The following CABP7 variants were observed in gnomAD, a reference collection of about 807,000 sequenced individuals.
CABP7 encodes the protein calcium binding protein 7.
A neutral mutation model predicts 23.1 loss-of-function variants in CABP7; 13 were observed. The ratio of observed to expected loss-of-function variants is 0.56; its 90% confidence interval spans 0.37 to 0.90. The LOEUF (loss-of-function observed/expected upper bound fraction) is 0.90, where lower values mean the gene tolerates loss of function less well. Ranked by LOEUF, CABP7 falls within the 40% of genes least tolerant of loss-of-function variation. CABP7 has a pLI of 0.01. For synonymous variants in CABP7, 123 were observed against 115.3 expected (o/e 1.07, Z -0.43); for missense variants, 248 against 295.6 (o/e 0.84, Z 1.18).
Position 29,731,107 on chromosome 22 carries a change from A to C in CABP7, c.*1538A>C. On this transcript the variant is annotated 3_prime_UTR_variant, in exon 5 of 5. Transcript: ENST00000216144. The stretch of plus-strand genomic sequence containing the variant: ...TTGGTGTGGCCGTGTCCTGAGCCTC[A>C]GTGAGGCTGGGCAGATGGTCTCGGA... 2 of 1,171,778 alleles carry C rather than the reference A, an allele frequency of 1.7e-6. No individual in the cohort carries two copies. The highest frequency in any genetic ancestry group is 2.3e-6 in the Non-Finnish European group (2 of 874,864). The allele number at this position is 1,171,778 out of a possible 1,614,324, so 72.6% of individuals were successfully genotyped here.
chr22:29,727,204 C>T lies in CABP7; in HGVS notation c.110-458C>T, dbSNP rs1051578277. On this transcript the variant is annotated intron_variant, in intron 1 of 4. Coordinates refer to ENST00000216144, the MANE Select transcript of CABP7 (RefSeq NM_182527.3). The surrounding 1 kb of genome is among the most constrained non-coding windows in gnomAD (Gnocchi z 4.2). The stretch of plus-strand genomic sequence containing the variant: ...GTGGCTGCCATTAGCAAGTGTTGGC[C>T]GGTGTTAAGGATCTAAGGATCCGAG... 2.7e-5 allele frequency among the ~76,000 whole-genome samples: 3 copies of T among 110,150 alleles called. No individual in the cohort carries two copies. The highest frequency in any genetic ancestry group is 3.7e-4 in the East Asian group (1 of 2,736). 72.3% of individuals were successfully genotyped at this position (110,150 alleles called of 152,430 possible).
rs935841306 is a variant in CABP7 at position 29,720,633 on chromosome 22, C to T, written c.109+100C>T. The T allele has an allele frequency of 4.7e-6, 3 of 643,606 alleles. No homozygotes were observed. The highest frequency in any genetic ancestry group is 5.0e-5 in the South Asian group (2 of 39,646). 39.9% of individuals were successfully genotyped at this position (643,606 alleles called of 1,614,324 possible). A position where few individuals can be genotyped will look rare whatever the true frequency, so the allele number is the denominator to read the frequency against. On this transcript the variant is annotated intron_variant, in intron 1 of 4. Coordinates refer to ENST00000216144, the MANE Select transcript of CABP7 (RefSeq NM_182527.3). This position sits in a 1 kb window ranked among gnomAD's most constrained non-coding sequence, Gnocchi z 5.2. ...CGGGGGCGGGGGGCGGGGGGCGGTC[C>T]GCAGGTGCCGGTTGCCAGGTGGGCG...
chr22:29,720,581 G>C lies in CABP7; in HGVS notation c.109+48G>C. ...GCCCCGGCGGCCCTCCTACCTGTGC[G>C]CCCAGGTGAAGCGCGGGCCAGGGGC... On this transcript the variant is annotated intron_variant, in intron 1 of 4. Coordinates refer to ENST00000216144, the MANE Select transcript of CABP7 (RefSeq NM_182527.3). The surrounding 1 kb of genome is among the most constrained non-coding windows in gnomAD (Gnocchi z 5.2). 7.6e-7 allele frequency: 1 copy of C among 1,323,926 alleles called. No homozygotes were observed. Among genetic ancestry groups the C allele is most frequent in the Non-Finnish European group, 1.0e-6 (1 of 979,598 alleles). The allele number at this position is 1,323,926 out of a possible 1,614,324, so 82.0% of individuals were successfully genotyped here. A position where few individuals can be genotyped will look rare whatever the true frequency, so the allele number is the denominator to read the frequency against.
rs778966806 is a variant in CABP7 at position 29,729,033 on chromosome 22, C to T, written c.367-22C>T. Reference sequence around the variant, plus strand: ...GGGGGCTGCGGTGGCTCTCAGAGCACCGTGTTGTCCCCCTCCGCAAGTGCG... The same window carrying T: ...GGGGGCTGCGGTGGCTCTCAGAGCATCGTGTTGTCCCCCTCCGCAAGTGCG... On this transcript the variant is annotated intron_variant, in intron 3 of 4. Coordinates refer to ENST00000216144, the MANE Select transcript of CABP7 (RefSeq NM_182527.3). 82 of 1,603,186 alleles carry T rather than the reference C, an allele frequency of 5.1e-5. 1 individual carries two copies. Among genetic ancestry groups the T allele is most frequent in the South Asian group, 2.1e-4 (19 of 90,880 alleles).
chr22:29,720,441 T>C lies in CABP7; in HGVS notation c.17T>C (p.Val6Ala). The stretch of plus-strand genomic sequence containing the variant: ...GCCTCCAAGATGCCGTTCCACCCGG[T>C]GACGGCGGCGTTGATGTACCGGGGC... MPFHP[V>A]TAALMYRGIY... Residue 6 changes from valine to alanine, a missense_variant, in exon 1 of 5, where the codon GTG becomes GCG. By Grantham distance (64) the Val-to-Ala change is moderately conservative (BLOSUM62 0). Transcript: ENST00000216144. The surrounding 1 kb of genome is among the most constrained non-coding windows in gnomAD (Gnocchi z 5.2). The C allele has an allele frequency of 6.5e-7, 1 of 1,542,624 alleles. No homozygotes were observed. The highest frequency in any genetic ancestry group is 1.9e-5 in the Admixed American group (1 of 53,488).
chr22:29,726,820 CAG>C (rs1376287079), intron 1 of CABP7, among the ~76,000 whole-genome samples: 2 of 152,184 alleles, frequency 1.3e-5, no homozygotes, highest in Admixed American at 1.3e-4. Context: ...CCCTTAAAAA[CAG>C]AGAAACAGAA....
At position 29,731,359 on chromosome 22, in the gene CABP7, A is replaced by AGAGAGAGAGAGAAG; in HGVS notation, c.*1791_*1804dup. 1 of 1,531,626 alleles carries AGAGAGAGAGAGAAG rather than the reference A, an allele frequency of 6.5e-7. No individual in the cohort carries two copies. Among genetic ancestry groups the AGAGAGAGAGAGAAG allele is most frequent in the Non-Finnish European group, 8.7e-7 (1 of 1,144,934 alleles). 94.9% of individuals were successfully genotyped at this position (1,531,626 alleles called of 1,614,324 possible). A position where few individuals can be genotyped will look rare whatever the true frequency, so the allele number is the denominator to read the frequency against. ...GTGGTTCTGATGGGTTCAGCCCTAG[A>AGAGAGAGAGAGAAG]GAGAGAGAGAGAAGCGGGGAGAATA... On this transcript the variant is annotated 3_prime_UTR_variant, in exon 5 of 5. Transcript: ENST00000216144.
chr22:29,727,562 A>G lies in CABP7; in HGVS notation c.110-100A>G. 6.7e-7 allele frequency: 1 copy of G among 1,486,840 alleles called. No homozygotes were observed. The highest frequency in any genetic ancestry group is 9.3e-7 in the Non-Finnish European group (1 of 1,076,616). The allele number at this position is 1,486,840 out of a possible 1,614,324, so 92.1% of individuals were successfully genotyped here. ...CTGCAGGCTCTGGGTTGGGCTCTCA[A>G]GGCCATGCTCAGGCTGCAGGGTCGG... On this transcript the variant is annotated intron_variant, in intron 1 of 4. Transcript: ENST00000216144. The surrounding 1 kb of genome is among the most constrained non-coding windows in gnomAD (Gnocchi z 4.2).
intron 3 of CABP7, 79 bp downstream of exon 3, chr22:29,728,821 C>A: frequency 8.6e-7 from 1 of 1,164,988 alleles, no homozygotes; most frequent in Non-Finnish European, 1.3e-6. Context: ...GCTGGGCCCA[C>A]ACTGTAAAGG....
Position 29,731,142 on chromosome 22 carries a change from G to C in CABP7, c.*1573G>C. ...GGCAGATGGTCTCGGAGCCTCCATG[G>C]GGCGTAGCAGGAACCGGGCTTGGCT... On this transcript the variant is annotated 3_prime_UTR_variant, in exon 5 of 5. Transcript: ENST00000216144. 1 of 1,386,600 alleles carries C rather than the reference G, an allele frequency of 7.2e-7. No homozygotes were observed. Among genetic ancestry groups the C allele is most frequent in the Non-Finnish European group, 9.5e-7 (1 of 1,058,142 alleles). 85.9% of individuals were successfully genotyped at this position (1,386,600 alleles called of 1,614,324 possible).
chr22:29,725,194 G>A (rs913102637), intron 1 of CABP7, among the ~76,000 whole-genome samples: 1 of 152,090 alleles, frequency 6.6e-6, no homozygotes, highest in Non-Finnish European at 1.5e-5. Context: ...TCCACGGGTG[G>A]CCCGCAGGCA....
intron 1 of CABP7, among the ~76,000 whole-genome samples, chr22:29,724,210 C>T (rs949939185): frequency 1.3e-5 from 2 of 152,212 alleles, no homozygotes; most frequent in Non-Finnish European, 2.9e-5. Flanking sequence ...GTGCCGGAGT[C>T]GCTCCCCATT....
chr22:29,728,989 T>C (rs1056229156), intron 3 of CABP7, 66 bp from the exon 4 acceptor site: 14 of 1,575,278 alleles, frequency 8.9e-6, no homozygotes, highest in Non-Finnish European at 1.1e-5. Flanking sequence ...CGGGTCTGTA[T>C]GGCCGTGGGG....
chr22:29,726,519 G>C lies in CABP7; in HGVS notation c.110-1143G>C, dbSNP rs139902943. 3.5e-3 allele frequency among the ~76,000 whole-genome samples: 539 copies of C among 152,350 alleles called. 3 individuals carry two copies. The highest frequency in any genetic ancestry group is 0.013 in the African/African-American group (524 of 41,580). ...CAGCTCTGAGCCCACGCTGACTCTG[G>C]GCCGGCCGCTGGGGCTCTCTCAGCC... On this transcript the variant is annotated intron_variant, in intron 1 of 4. Transcript: ENST00000216144.
In CABP7 at chr22:29,720,890, G is replaced by A. The variant is rs534243487; in HGVS notation, c.109+357G>A. Among the ~76,000 whole-genome samples, 3 of 151,794 alleles carry A rather than the reference G, an allele frequency of 2.0e-5. No homozygotes were observed. The South Asian group carries it at 6.2e-4, about 32-fold the overall frequency. On this transcript the variant is annotated intron_variant, in intron 1 of 4. Coordinates refer to ENST00000216144, the MANE Select transcript of CABP7 (RefSeq NM_182527.3). This position sits in a 1 kb window ranked among gnomAD's most constrained non-coding sequence, Gnocchi z 5.2. ...CTGAGCCCCCAGCGCCGGCCCGGCCGGAGCACCCGCATCCTGATCCCCTCC... is the reference window on the plus strand; with the variant it reads ...CTGAGCCCCCAGCGCCGGCCCGGCCAGAGCACCCGCATCCTGATCCCCTCC...
rs958489025 is a variant in CABP7 at position 29,731,130 on chromosome 22, G to A, written c.*1561G>A. 46 of 1,337,336 alleles carry A rather than the reference G, an allele frequency of 3.4e-5. 1 individual carries two copies. In the East Asian group the frequency reaches 9.5e-4, roughly 28 times the overall value. The allele number at this position is 1,337,336 out of a possible 1,614,324, so 82.8% of individuals were successfully genotyped here. On this transcript the variant is annotated 3_prime_UTR_variant, in exon 5 of 5. Coordinates refer to ENST00000216144, the MANE Select transcript of CABP7 (RefSeq NM_182527.3). ...TCAGTGAGGCTGGGCAGATGGTCTC[G>A]GAGCCTCCATGGGGCGTAGCAGGAA...
chr22:29,731,768 C>T lies in CABP7; in HGVS notation c.*2199C>T, dbSNP rs1365162577. ...ATAAAATAATGTATATAGCATGATA[C>T]TATTTTTGTTTAAAAATATATAAAA... On this transcript the variant is annotated 3_prime_UTR_variant, in exon 5 of 5. Transcript: ENST00000216144. 6.4e-6 allele frequency: 1 copy of T among 155,200 alleles called. No homozygotes were observed. Among genetic ancestry groups the T allele is most frequent in the Non-Finnish European group, 1.4e-5 (1 of 70,012 alleles). 9.6% of individuals were successfully genotyped at this position (155,200 alleles called of 1,614,324 possible). A position where few individuals can be genotyped will look rare whatever the true frequency, so the allele number is the denominator to read the frequency against.
Position 29,729,837 on chromosome 22 carries a change from A to C in CABP7, c.*268A>C. 1 of 489,300 alleles carries C rather than the reference A, an allele frequency of 2.0e-6. No individual in the cohort carries two copies. The highest frequency in any genetic ancestry group is 3.6e-6 in the Non-Finnish European group (1 of 274,074). 30.3% of individuals were successfully genotyped at this position (489,300 alleles called of 1,614,324 possible). A position where few individuals can be genotyped will look rare whatever the true frequency, so the allele number is the denominator to read the frequency against. On this transcript the variant is annotated 3_prime_UTR_variant, in exon 5 of 5. Transcript: ENST00000216144. ...CCTGTAAGGAGCACTCACTCTTCCT[A>C]CCATCCAGGGGCTCCTGGGAAATTA...
At chr22:29,729,368 G>A in intron 4 of CABP7, 74 bp from the exon 5 acceptor site, 1 of 1,587,590 alleles carries the variant, frequency 6.3e-7, no homozygotes, top group South Asian at 1.1e-5. Context: ...ATGTGCCGAA[G>A]GGCAGGCGGC....
Sources: gnomAD v4.1 joint callset for allele counts (sites outside exome capture counted in the v4.1 genomes callset) on GRCh38, gnomAD v4.1.1 for gene constraint, Gnocchi (gnomAD v3.1) non-coding constraint, MANE v1.5 for transcripts, NCBI Gene and HGNC (gene_info 2026-07-23, HGNC 2026-07-21) for gene names.